TUBGCP3: variants seen among roughly 807,000 people sequenced by gnomAD.
TUBGCP3 encodes the protein tubulin gamma complex component 3, also known as gamma-tubulin complex component 3.
A neutral mutation model predicts 123.1 loss-of-function variants in TUBGCP3; 50 were observed. The ratio of observed to expected loss-of-function variants is 0.41; its 90% CI spans 0.32 to 0.51. The LOEUF is 0.51. Ranked by LOEUF, TUBGCP3 falls within the 20% of genes least tolerant of loss-of-function variation. TUBGCP3 has a pLI of 0.36. For synonymous variants in TUBGCP3, 405 were observed against 413.9 expected, an observed-to-expected ratio of 0.98 and a Z score of 0.26; for missense variants, 882 against 1,127.0, an observed-to-expected ratio of 0.78 and a Z score of 3.11.
intron 13 of TUBGCP3, among the ~76,000 whole-genome samples, chr13:112,525,875 C>A (rs113025552): frequency 6.6e-6 from 1 of 152,132 alleles, no homozygotes. Flanking sequence ...ATACCTATTC[C>A]AACACTTACT....
chr13:112,540,188 T>C (rs56179463), intron 11 of TUBGCP3, among the ~76,000 whole-genome samples: 163 of 131,722 alleles, frequency 1.2e-3, no homozygotes, highest in African/African-American at 3.8e-3. Flanking sequence ...TGGGAAAGGA[T>C]ACCTGGGAGT....
the TUBGCP3 span, among the ~76,000 whole-genome samples, chr13:112,596,532 CTT>C: frequency 6.6e-6 from 1 of 151,250 alleles, no homozygotes; most frequent in East Asian, 1.9e-4. Context: ...ATTTTTTTTT[CTT>C]TGTCTTCAGT....
chr13:112,549,044 A>G (rs1391216856), intron 8 of TUBGCP3, among the ~76,000 whole-genome samples: 1 of 152,234 alleles, frequency 6.6e-6, no homozygotes, highest in African/African-American at 2.4e-5. Context: ...ACGTATGTTT[A>G]CTGCAGCACT....
At chr13:112,598,752 G>A in the TUBGCP3 span, among the ~76,000 whole-genome samples, 2 of 152,042 alleles carry the variant, frequency 1.3e-5, no homozygotes, top group African/African-American at 4.8e-5. Flanking sequence ...AGACCATCCT[G>A]GCTAACATGG....
intron 17 of TUBGCP3, among the ~76,000 whole-genome samples, chr13:112,515,053 T>C (rs1179915578): frequency 6.6e-6 from 1 of 152,176 alleles, no homozygotes; most frequent in Non-Finnish European, 1.5e-5. Context: ...ATAAATTTTA[T>C]AAATAATAAA....
intron 1 of TUBGCP3, among the ~76,000 whole-genome samples, chr13:112,584,361 A>G (rs559742404): frequency 6.6e-6 from 1 of 152,380 alleles, no homozygotes; most frequent in South Asian, 2.1e-4. Flanking sequence ...TCCATCAAGT[A>G]CAACTTGAAA....
chr13:112,545,872 G>T lies in TUBGCP3; in HGVS notation c.1169-7C>A. 6.2e-7 allele frequency: 1 copy of T among 1,606,678 alleles called. No homozygotes were observed. Among genetic ancestry groups the T allele is most frequent in the Non-Finnish European group, 8.5e-7 (1 of 1,173,720 alleles). ...AGCTCACCTCCTTTCCTTCCTGGGA[G>T]AAATGGAGGAAAATACACAAAAACA... is the stretch of plus-strand genomic sequence containing the variant. On this transcript the variant is annotated splice_region_variant and splice_polypyrimidine_tract_variant and intron_variant, in intron 10 of 21. Coordinates refer to ENST00000261965, the MANE Select transcript of TUBGCP3 (RefSeq NM_006322.6). This position sits in a 1 kb window ranked among gnomAD's most constrained non-coding sequence, Gnocchi z 4.1.
intron 11 of TUBGCP3, among the ~76,000 whole-genome samples, chr13:112,531,221 A>G (rs573142192): frequency 6.6e-6 from 1 of 152,372 alleles, no homozygotes; most frequent in African/African-American, 2.4e-5. Flanking sequence ...ATAAGTGCCA[A>G]CATTTTTATG....
rs769047821 is a variant in TUBGCP3, at chr13:112,547,558, AAAGTCGCGCG to A, written c.1168+52_1168+61del. The A allele has an allele frequency of 2.4e-3, 3,283 of 1,340,852 alleles. 91 individuals are homozygous for A. In the African/African-American group the frequency reaches 0.045, roughly 19 times the overall value. 83.1% of individuals were successfully genotyped at this position (1,340,852 alleles called of 1,614,324 possible). ...CGTGCATGGGAAAGTCGCGCGTGGG[AAAGTCGCGCG>A]TGGGAAAGTCGCGCGTGGGAAAGAC... On this transcript the variant is annotated intron_variant, in intron 10 of 21. Transcript: ENST00000261965.
At chr13:112,548,297 A>G in intron 8 of TUBGCP3, 121 bp from the exon 9 acceptor site, 1 of 573,730 alleles carries the variant, frequency 1.7e-6, no homozygotes, top group Non-Finnish European at 3.0e-6. Context: ...ATTTAAATTC[A>G]GGTTTTGTCA....
chr13:112,536,948 A>G (rs1156522948), intron 11 of TUBGCP3, among the ~76,000 whole-genome samples: 2 of 151,626 alleles, frequency 1.3e-5, no homozygotes, highest in African/African-American at 4.9e-5. Flanking sequence ...ATTTTTTCTT[A>G]ATCTTTTGTA....
chr13:112,549,043 T>G (rs751491444), intron 8 of TUBGCP3, among the ~76,000 whole-genome samples: 3 of 152,206 alleles, frequency 2.0e-5, no homozygotes, highest in Non-Finnish European at 4.4e-5. Context: ...CACGTATGTT[T>G]ACTGCAGCAC....
intron 2 of TUBGCP3, among the ~76,000 whole-genome samples, chr13:112,567,236 T>G (rs1234115111): frequency 6.6e-6 from 1 of 152,196 alleles, no homozygotes; most frequent in Non-Finnish European, 1.5e-5. Context: ...AACTCTACAT[T>G]GCTGCAGTTT....
chr13:112,497,702 G>T (rs1275424350), intron 20 of TUBGCP3, among the ~76,000 whole-genome samples: 3 of 152,218 alleles, frequency 2.0e-5, no homozygotes, highest in Non-Finnish European at 4.4e-5. Context: ...ATATGGCACA[G>T]CCTATGCTCC....
rs1880860323 is a variant in TUBGCP3 at position 112,565,194 on chromosome 13, A to G, written c.185-16T>C. On this transcript the variant is annotated splice_polypyrimidine_tract_variant and intron_variant, in intron 2 of 21. Coordinates refer to ENST00000261965, the MANE Select transcript of TUBGCP3 (RefSeq NM_006322.6). ...TGTCGAATAACTGAAAAGACAGAAA[A>G]AAAATAAGTGTGGTAACTACAAACA... is the stretch of plus-strand genomic sequence containing the variant. The G allele has an allele frequency of 1.9e-6, 3 of 1,609,636 alleles. No homozygotes were observed. The highest frequency in any genetic ancestry group is 2.5e-6 in the Non-Finnish European group (3 of 1,179,256).
chr13:112,503,353 G>T (rs901531117), intron 19 of TUBGCP3, among the ~76,000 whole-genome samples: 1 of 152,110 alleles, frequency 6.6e-6, no homozygotes, highest in African/African-American at 2.4e-5. Context: ...TGTCACCATG[G>T]TTTTTTGTTG....
rs554328191 is a variant in TUBGCP3 at position 112,519,198 on chromosome 13, A to G, written c.1882-155T>C. 6.6e-6 allele frequency among the ~76,000 whole-genome samples: 1 copy of G among 152,364 alleles called. No individual in the cohort carries two copies. Among genetic ancestry groups the G allele is most frequent in the Admixed American group, 6.5e-5 (1 of 15,298 alleles). On this transcript the variant is annotated intron_variant, in intron 15 of 21. Transcript: ENST00000261965. The surrounding 1 kb of genome is among the most constrained non-coding windows in gnomAD (Gnocchi z 6.2). Reference sequence around the variant, plus strand: ...CTTGTTAACTTCTACAACCTCACCAATTAGGCAATAATGAGCACACAGTAG... The same window carrying G: ...CTTGTTAACTTCTACAACCTCACCAGTTAGGCAATAATGAGCACACAGTAG...
At chr13:112,593,399 CAG>C in the TUBGCP3 span, among the ~76,000 whole-genome samples, 8 of 151,924 alleles carry the variant, frequency 5.3e-5, no homozygotes, top group African/African-American at 1.9e-4. Context: ...GCCTGGGGGA[CAG>C]AGAGAGAGAC....
chr13:112,588,087 T>C lies in TUBGCP3; in HGVS notation c.-107A>G, dbSNP rs1882763847. 1.9e-6 allele frequency: 2 copies of C among 1,034,308 alleles called. No homozygotes were observed. Among genetic ancestry groups the C allele is most frequent in the East Asian group, 6.5e-5 (2 of 30,542 alleles). The allele number at this position is 1,034,308 out of a possible 1,614,324, so 64.1% of individuals were successfully genotyped here. ...CTGCGCCCCGCAAGCTCCCTGCTCCTGACAGGCTAAGGCGCGGGCGCCGCC... is the reference window on the plus strand; with the variant it reads ...CTGCGCCCCGCAAGCTCCCTGCTCCCGACAGGCTAAGGCGCGGGCGCCGCC... On this transcript the variant is annotated 5_prime_UTR_variant, in exon 1 of 22. Coordinates refer to ENST00000261965, the MANE Select transcript of TUBGCP3 (RefSeq NM_006322.6).
Sources: gnomAD v4.1 joint callset for allele counts (sites outside exome capture counted in the v4.1 genomes callset) on GRCh38, gnomAD v4.1.1 for gene constraint, Gnocchi (gnomAD v3.1) non-coding constraint, MANE v1.5 for transcripts, NCBI Gene and HGNC (gene_info 2026-07-23, HGNC 2026-07-21) for gene names.